Variants in MAGI1 observed in about 807,000 individuals in gnomAD.
MAGI1 encodes the protein membrane associated guanylate kinase, WW and PDZ domain containing 1.
MAGI1 carries 58 observed loss-of-function variants against 139.9 expected under a neutral mutation model. The observed-to-expected ratio is 0.41, with a 90% CI of 0.34 to 0.52. The LOEUF (loss-of-function observed/expected upper bound fraction) is 0.52. Among genes scored for constraint, MAGI1 ranks in the 20% least tolerant of loss-of-function variants. The probability of loss-of-function intolerance (pLI) is 0.12; values close to 1 mark genes in which losing one functional copy is unlikely to be tolerated. For synonymous variants in MAGI1, 812 were observed against 737.9 expected (o/e 1.10, Z -1.63); for missense variants, 1,874 against 1,901.6 (o/e 0.99, Z 0.27).
chr3:65,828,630 A>G (rs553129480), intron 1 of MAGI1, among the ~76,000 whole-genome samples: 1 of 152,322 alleles, frequency 6.6e-6, no homozygotes, highest in East Asian at 1.9e-4. Context: ...CAGGCTGAAT[A>G]ATGGCCCCCT....
At chr3:65,908,077 C>T (rs959888460) in intron 1 of MAGI1, among the ~76,000 whole-genome samples, 11 of 152,180 alleles carry the variant, frequency 7.2e-5, no homozygotes, top group East Asian at 1.9e-4. Flanking sequence ...ATACACCAAA[C>T]GCCACTCATA....
chr3:65,452,565 C>T (rs1437309675), intron 6 of MAGI1: 3 of 147,166 alleles, frequency 2.0e-5, no homozygotes, highest in African/African-American at 5.0e-5. Flanking sequence ...AAAAGGGACA[C>T]ACTAGCTCTG....
At chr3:65,492,988 G>A (rs1952160989) in intron 3 of MAGI1, among the ~76,000 whole-genome samples, 1 of 148,816 alleles carries the variant, frequency 6.7e-6, no homozygotes, top group Non-Finnish European at 1.5e-5. Flanking sequence ...TGACGCAGGA[G>A]AATGGCATGA....
At chr3:65,402,660 G>C (rs66553894) in intron 12 of MAGI1, among the ~76,000 whole-genome samples, 11,001 of 152,092 alleles carry the variant, frequency 0.072, 476 homozygotes, top group African/African-American at 0.13. Context: ...AACTCTTTTG[G>C]AAGTGACTTG....
intron 1 of MAGI1, among the ~76,000 whole-genome samples, chr3:65,811,968 G>C (rs1403728733): frequency 2.0e-5 from 3 of 151,672 alleles, no homozygotes; most frequent in Admixed American, 6.6e-5. Context: ...GTGAGAGAGA[G>C]AGCGTGCACT....
At chr3:65,589,257 A>T (rs1287939767) in intron 2 of MAGI1, among the ~76,000 whole-genome samples, 3 of 152,210 alleles carry the variant, frequency 2.0e-5, no homozygotes, top group African/African-American at 7.2e-5. Context: ...ACAAGATACT[A>T]TGAAAACAGA....
chr3:65,682,778 T>C (rs1443606309), intron 1 of MAGI1, among the ~76,000 whole-genome samples: 1 of 151,898 alleles, frequency 6.6e-6, no homozygotes, highest in African/African-American at 2.4e-5. Context: ...TGAAAGCCCA[T>C]GTGAAGAGAA....
chr3:65,996,186 T>C (rs2107399669), intron 1 of MAGI1, among the ~76,000 whole-genome samples: 2 of 152,162 alleles, frequency 1.3e-5, no homozygotes, highest in East Asian at 3.9e-4. Flanking sequence ...AGTTTCCTCA[T>C]CTAGAATATG....
At chr3:65,774,787 G>C (rs1168736415) in intron 1 of MAGI1, among the ~76,000 whole-genome samples, 1 of 152,142 alleles carries the variant, frequency 6.6e-6, no homozygotes, top group Non-Finnish European at 1.5e-5. Flanking sequence ...CTAGTACTGG[G>C]CCTATGTTCT....
chr3:65,547,907 A>C (rs544111614), intron 2 of MAGI1, among the ~76,000 whole-genome samples: 3 of 152,190 alleles, frequency 2.0e-5, no homozygotes, highest in Middle Eastern at 3.2e-3. Flanking sequence ...CATGTTGAGA[A>C]AAAAGGTCAA....
intron 1 of MAGI1, among the ~76,000 whole-genome samples, chr3:65,821,501 G>C (rs1429685922): frequency 6.6e-6 from 1 of 152,060 alleles, no homozygotes; most frequent in African/African-American, 2.4e-5. Flanking sequence ...CATAACACCT[G>C]GATATTTCCT....
chr3:65,950,713 C>A (rs188510246), intron 1 of MAGI1, among the ~76,000 whole-genome samples: 2 of 152,250 alleles, frequency 1.3e-5, no homozygotes, highest in Middle Eastern at 3.4e-3. Flanking sequence ...ATGCTACCCC[C>A]CACTGGTCGG....
In MAGI1 at chr3:65,453,277, C is replaced by T. The variant is rs1949157157; in HGVS notation, c.1023G>A (p.Leu341=). ...PRCLNKQQKP[L]EECEDDEGVH... is the part of the protein sequence containing the mutation. ...CCTTACCATCATCTTCACACTCTTCCAGTGGCTTCTGCTGCTTGTTTAGGC... is the reference window on the plus strand; with the variant it reads ...CCTTACCATCATCTTCACACTCTTCTAGTGGCTTCTGCTGCTTGTTTAGGC... Residue 341 remains leucine (L), a synonymous_variant, in exon 6 of 23, where the codon CTG becomes CTA. Coordinates refer to ENST00000402939, the MANE Select transcript of MAGI1 (RefSeq NM_001033057.2). 1.2e-6 allele frequency: 2 copies of T among 1,613,516 alleles called. No individual in the cohort carries two copies. The highest frequency in any genetic ancestry group is 1.7e-5 in the Admixed American group (1 of 59,940).
At chr3:65,415,020 C>CAAAAAAAAAAAAAAAAAAAAAAA (rs60234120) in intron 12 of MAGI1, among the ~76,000 whole-genome samples, 1 of 122,114 alleles carries the variant, frequency 8.2e-6, no homozygotes. Flanking sequence ...AAAAAAAAAA[C>CAAAAAAAAAAAAAAAAAAAAAAA]AAAAAAAAAA....
intron 1 of MAGI1, among the ~76,000 whole-genome samples, chr3:65,717,187 G>C (rs758184646): frequency 6.6e-6 from 1 of 152,144 alleles, no homozygotes; most frequent in Non-Finnish European, 1.5e-5. Flanking sequence ...GTGAAAGAAA[G>C]TTAATATAGG....
Position 65,535,966 on chromosome 3 carries a change from G to A in MAGI1, c.431-42335C>T, listed in dbSNP as rs145813059. On this transcript the variant is annotated intron_variant, in intron 2 of 22. Transcript: ENST00000402939. Reference sequence around the variant, plus strand: ...ACACTAGAATAAACACCCACTTGGTGAGGTGCTCACACCATGAGGGGCACA... The same window carrying A: ...ACACTAGAATAAACACCCACTTGGTAAGGTGCTCACACCATGAGGGGCACA... 1.2e-3 allele frequency among the ~76,000 whole-genome samples: 178 copies of A among 152,296 alleles called. 1 individual carries two copies. The highest frequency in any genetic ancestry group is 4.1e-3 in the African/African-American group (170 of 41,558).
chr3:65,935,373 A>T (rs557132315), intron 1 of MAGI1, among the ~76,000 whole-genome samples: 2 of 152,316 alleles, frequency 1.3e-5, no homozygotes, highest in South Asian at 4.1e-4. Context: ...GGTAGAGGTC[A>T]GGCATGGTGG....
At chr3:65,620,336 C>G (rs1443417176) in intron 2 of MAGI1, among the ~76,000 whole-genome samples, 2 of 152,146 alleles carry the variant, frequency 1.3e-5, no homozygotes, top group Non-Finnish European at 2.9e-5. Flanking sequence ...AAGACCAGAT[C>G]TGCCACTTAC....
At chr3:65,511,008 T>C (rs1305896070) in intron 2 of MAGI1, among the ~76,000 whole-genome samples, 1 of 146,004 alleles carries the variant, frequency 6.8e-6, no homozygotes, top group Non-Finnish European at 1.5e-5. Flanking sequence ...TTCAACATTC[T>C]TAAAGAAAAG....
Sources: gnomAD v4.1 joint callset for allele counts (sites outside exome capture counted in the v4.1 genomes callset) on GRCh38, gnomAD v4.1.1 for gene constraint, MANE v1.5 for transcripts, NCBI Gene and HGNC (gene_info 2026-07-23, HGNC 2026-07-21) for gene names.